The following GALNT17 variants were observed in gnomAD, a reference collection of about 807,000 sequenced individuals.
The protein encoded by GALNT17 is UDP-GalNAc:polypeptide N-acetylgalactosaminyltransferase-like 3.
GALNT17 carries 29 observed loss-of-function variants against 63.7 expected under a neutral mutation model. The ratio of observed to expected loss-of-function variants is 0.46; its 90% CI spans 0.34 to 0.62. The LOEUF is 0.62. GALNT17 is among the 20% of genes least tolerant of loss of function. The pLI, the probability that GALNT17 is intolerant of heterozygous loss-of-function variation, is 0.01. For missense variants in GALNT17, 603 were observed against 799.6 expected, an observed-to-expected ratio of 0.75 and a Z score of 2.97; for synonymous variants, 305 against 318.3, an observed-to-expected ratio of 0.96 and a Z score of 0.45.
intron 6 of GALNT17, among the ~76,000 whole-genome samples, chr7:71,581,149 A>G (rs555338522): frequency 3.3e-5 from 5 of 152,042 alleles, no homozygotes; most frequent in African/African-American, 4.8e-5. Context: ...AGGGCTAAAC[A>G]CTTTTATGTT....
chr7:71,165,713 T>C (rs1788427792), intron 1 of GALNT17, among the ~76,000 whole-genome samples: 1 of 152,216 alleles, frequency 6.6e-6, no homozygotes, highest in South Asian at 2.1e-4. Context: ...CTTAAAACGA[T>C]TTTCCTTTGT....
At chr7:71,249,952 A>C (rs2116487261) in intron 1 of GALNT17, among the ~76,000 whole-genome samples, 1 of 152,344 alleles carries the variant, frequency 6.6e-6, no homozygotes, top group South Asian at 2.1e-4. Context: ...TGGGCCCAAA[A>C]CCTGCTGAAA....
chr7:71,202,690 T>C (rs1446288189), intron 1 of GALNT17, among the ~76,000 whole-genome samples: 1 of 152,240 alleles, frequency 6.6e-6, no homozygotes, highest in Non-Finnish European at 1.5e-5. Flanking sequence ...TGTGATACTT[T>C]ATTAATAACT....
intron 2 of GALNT17, among the ~76,000 whole-genome samples, chr7:71,338,179 T>C (rs923522253): frequency 6.6e-6 from 1 of 151,450 alleles, no homozygotes; most frequent in Non-Finnish European, 1.5e-5. Context: ...TACAAAAAAT[T>C]AGCCGGGCGT....
chr7:71,482,876 G>A lies in GALNT17; in HGVS notation c.962+61771G>A, dbSNP rs190876648. Among the ~76,000 whole-genome samples the A allele has an allele frequency of 6.1e-3, 932 of 152,230 alleles. 7 individuals carry two copies. The highest frequency in any genetic ancestry group is 0.013 in the South Asian group (61 of 4,816). On this transcript the variant is annotated intron_variant, in intron 5 of 10. Transcript: ENST00000333538. ...CATGCACCCTAGATCCTGCACATGCGTAGTTCACAAGAGTGTTCATGCTCC... is the reference window on the plus strand; with the variant it reads ...CATGCACCCTAGATCCTGCACATGCATAGTTCACAAGAGTGTTCATGCTCC...
chr7:71,559,642 G>A (rs563863574), intron 5 of GALNT17, among the ~76,000 whole-genome samples: 4 of 152,224 alleles, frequency 2.6e-5, no homozygotes, highest in South Asian at 2.1e-4. Flanking sequence ...TGTAAGGATC[G>A]CTTGAGGCCA....
intron 5 of GALNT17, among the ~76,000 whole-genome samples, chr7:71,494,216 C>T (rs1224744388): frequency 6.6e-6 from 1 of 152,066 alleles, no homozygotes; most frequent in African/African-American, 2.4e-5. Flanking sequence ...AGAAAACCAT[C>T]ATATCACATG....
At chr7:71,536,440 T>C (rs1380382001) in intron 5 of GALNT17, among the ~76,000 whole-genome samples, 1 of 152,120 alleles carries the variant, frequency 6.6e-6, no homozygotes, top group African/African-American at 2.4e-5. Context: ...TATCCAAGAC[T>C]GGGAAGGAAA....
chr7:71,275,831 C>T (rs562271801), intron 1 of GALNT17, among the ~76,000 whole-genome samples: 2 of 152,132 alleles, frequency 1.3e-5, no homozygotes, highest in South Asian at 4.1e-4. Context: ...CTCCCTTCCC[C>T]ACAAGTTGTG....
At chr7:71,544,257 G>T (rs1395732050) in intron 5 of GALNT17, among the ~76,000 whole-genome samples, 11 of 148,646 alleles carry the variant, frequency 7.4e-5, no homozygotes, top group Non-Finnish European at 1.5e-4. Context: ...TCAGCCTCCC[G>T]AGTAGCTGGG....
chr7:71,351,076 G>A (rs1209858476), intron 2 of GALNT17, among the ~76,000 whole-genome samples: 2 of 152,210 alleles, frequency 1.3e-5, no homozygotes, highest in African/African-American at 2.4e-5. Flanking sequence ...GGGAGGCAGA[G>A]GGTGCAGTGA....
chr7:71,488,110 G>C (rs1563130142), intron 5 of GALNT17, among the ~76,000 whole-genome samples: 1 of 150,366 alleles, frequency 6.7e-6, no homozygotes, highest in East Asian at 2.0e-4. Context: ...CCAAGCTGCA[G>C]TGAGCTATGA....
chr7:71,179,494 G>A (rs1788698752), intron 1 of GALNT17, among the ~76,000 whole-genome samples: 1 of 152,182 alleles, frequency 6.6e-6, no homozygotes, highest in Non-Finnish European at 1.5e-5. Flanking sequence ...AATAAACTGA[G>A]ACCTGTCTCA....
At chr7:71,261,008 C>T (rs1357465153) in intron 1 of GALNT17, among the ~76,000 whole-genome samples, 1 of 152,212 alleles carries the variant, frequency 6.6e-6, no homozygotes, top group Non-Finnish European at 1.5e-5. Flanking sequence ...ACCGGCTCAT[C>T]CTCCTGAGTG....
chr7:71,262,532 G>A (rs559160378), intron 1 of GALNT17, among the ~76,000 whole-genome samples: 46 of 152,064 alleles, frequency 3.0e-4, no homozygotes, highest in Admixed American at 1.6e-3. Context: ...AAATTCCTAT[G>A]TTAAAGTCCT....
rs143941228 is a variant in GALNT17, at chr7:71,512,208, T to C, written c.963-59077T>C. The stretch of plus-strand genomic sequence containing the variant: ...TTAGTAGAGACAGGGTTTCACCTTG[T>C]TACGCAGGCTGGTCTCAAACTCCTG... On this transcript the variant is annotated intron_variant, in intron 5 of 10. Coordinates refer to ENST00000333538, the MANE Select transcript of GALNT17 (RefSeq NM_022479.3). Among the ~76,000 whole-genome samples, 238 of 152,212 alleles carry C rather than the reference T, an allele frequency of 1.6e-3. 2 individuals are homozygous for C. Among genetic ancestry groups the C allele is most frequent in the African/African-American group, 5.4e-3 (226 of 41,520 alleles).
rs1044311444 is a variant in GALNT17, at chr7:71,256,971, ACT to A, written c.239-78569_239-78568del. On this transcript the variant is annotated intron_variant, in intron 1 of 10. Coordinates refer to ENST00000333538, the MANE Select transcript of GALNT17 (RefSeq NM_022479.3). ...GAGAGGGAAGAGTTTTTCTAAAAGG[ACT>A]CTCTCTCTCGCACTCCTACCCCCTG... 2.0e-5 allele frequency among the ~76,000 whole-genome samples: 3 copies of A among 151,394 alleles called. 1 individual carries two copies. The highest frequency in any genetic ancestry group is 7.3e-5 in the African/African-American group (3 of 41,240).
intron 1 of GALNT17, among the ~76,000 whole-genome samples, chr7:71,275,654 G>A (rs1002280967): frequency 1.3e-5 from 2 of 152,194 alleles, no homozygotes; most frequent in Non-Finnish European, 2.9e-5. Context: ...GCTAGAAAGC[G>A]TTTTGAGCTG....
At chr7:71,171,743 T>A (rs1455271139) in intron 1 of GALNT17, among the ~76,000 whole-genome samples, 1 of 152,226 alleles carries the variant, frequency 6.6e-6, no homozygotes, top group Non-Finnish European at 1.5e-5. Context: ...TGCAGCTGCA[T>A]GTGTTGTAAA....
Sources: gnomAD v4.1 joint callset for allele counts (sites outside exome capture counted in the v4.1 genomes callset) on GRCh38, gnomAD v4.1.1 for gene constraint, MANE v1.5 for transcripts, NCBI Gene and HGNC (gene_info 2026-07-23, HGNC 2026-07-21) for gene names.